Variants in TRIQK observed in about 807,000 individuals in gnomAD.
TRIQK encodes the protein triple QxxK/R motif-containing protein.
Under a neutral mutation model 10.8 loss-of-function variants are expected in TRIQK, and 10 were observed. The observed-to-expected ratio is 0.92, with a 90% CI of 0.57 to 1.57. The LOEUF (loss-of-function observed/expected upper bound fraction) is 1.57. Ranked by LOEUF, TRIQK falls within the 40% of genes most tolerant of loss-of-function variation. The probability of loss-of-function intolerance (pLI) is 0.00; values close to 1 mark genes in which losing one functional copy is unlikely to be tolerated. For synonymous variants in TRIQK, 33 were observed against 33.7 expected, an observed-to-expected ratio of 0.98 and a Z score of 0.07; for missense variants, 107 against 97.7, an observed-to-expected ratio of 1.09 and a Z score of -0.40.
At chr8:92,893,614 A>C (rs949233736) in intron 3 of TRIQK, among the ~76,000 whole-genome samples, 1 of 152,030 alleles carries the variant, frequency 6.6e-6, no homozygotes, top group African/African-American at 2.4e-5. Context: ...AAATCTTGAC[A>C]AGTGTTCACT....
intron 3 of TRIQK, among the ~76,000 whole-genome samples, chr8:92,893,181 T>C (rs1054932129): frequency 6.6e-6 from 1 of 151,978 alleles, no homozygotes; most frequent in Non-Finnish European, 1.5e-5. Context: ...AAGTATATCA[T>C]AAAAATTTAA....
intron 1 of TRIQK, among the ~76,000 whole-genome samples, chr8:93,001,542 A>G (rs1428259566): frequency 6.6e-6 from 1 of 152,196 alleles, no homozygotes; most frequent in African/African-American, 2.4e-5. Flanking sequence ...AAGACAATGA[A>G]GGTCACTATA....
chr8:92,987,892 G>A (rs547103936), intron 1 of TRIQK, among the ~76,000 whole-genome samples: 4 of 151,498 alleles, frequency 2.6e-5, no homozygotes, highest in Middle Eastern at 6.8e-3. Flanking sequence ...ATAGAAATAC[G>A]CATATAGATA....
chr8:92,954,657 C>T (rs1394992498), intron 1 of TRIQK, 93 bp from the exon 2 acceptor site: 1 of 151,856 alleles, frequency 6.6e-6, no homozygotes, highest in Non-Finnish European at 1.5e-5. Flanking sequence ...AAATCATTTC[C>T]AAAAGGTGTT....
chr8:92,914,319 C>T (rs1809719576), intron 3 of TRIQK, among the ~76,000 whole-genome samples: 1 of 151,478 alleles, frequency 6.6e-6, no homozygotes, highest in African/African-American at 2.4e-5. Context: ...TGACATTGGT[C>T]TTGGCTATGA....
intron 4 of TRIQK, among the ~76,000 whole-genome samples, chr8:92,889,555 G>A (rs553794166): frequency 5.9e-5 from 9 of 151,614 alleles, no homozygotes; most frequent in South Asian, 2.1e-4. Context: ...ATGGCAACAC[G>A]ATGCACACTT....
intron 2 of TRIQK, among the ~76,000 whole-genome samples, chr8:92,936,162 T>C (rs1019994636): frequency 6.6e-5 from 10 of 151,538 alleles, no homozygotes; most frequent in African/African-American, 2.4e-4. Context: ...GCAAGATCAT[T>C]ATGAGAATGA....
At chr8:92,975,232 A>G (rs936966684) in intron 1 of TRIQK, among the ~76,000 whole-genome samples, 1 of 152,212 alleles carries the variant, frequency 6.6e-6, no homozygotes, top group African/African-American at 2.4e-5. Context: ...GAAAGTATTC[A>G]CTTTTCTTCA....
intron 2 of TRIQK, among the ~76,000 whole-genome samples, chr8:92,944,002 T>C (rs1442605777): frequency 6.6e-6 from 1 of 151,976 alleles, no homozygotes; most frequent in Non-Finnish European, 1.5e-5. Context: ...AGGAAGTCGA[T>C]CAACTCAATA....
chr8:93,012,029 A>G (rs1813340808), intron 1 of TRIQK, among the ~76,000 whole-genome samples: 1 of 152,210 alleles, frequency 6.6e-6, no homozygotes, highest in South Asian at 2.1e-4. Flanking sequence ...AAGTATCTAG[A>G]CAGTGCATGA....
chr8:92,983,507 G>A (rs908195504), intron 1 of TRIQK, among the ~76,000 whole-genome samples: 2 of 151,996 alleles, frequency 1.3e-5, no homozygotes, highest in Admixed American at 6.6e-5. Flanking sequence ...CTTGAAGATC[G>A]CAGGTTAATT....
intron 1 of TRIQK, among the ~76,000 whole-genome samples, chr8:93,011,135 T>A (rs113918295): frequency 0.013 from 1,903 of 151,758 alleles, 39 homozygotes; most frequent in African/African-American, 0.043. Context: ...CATGCTCATA[T>A]GATCTTAATA....
At chr8:92,907,673 T>G (rs1026991593) in intron 3 of TRIQK, among the ~76,000 whole-genome samples, 12 of 152,172 alleles carry the variant, frequency 7.9e-5, no homozygotes, top group African/African-American at 2.7e-4. Context: ...GTGTCAGCTT[T>G]TTAAACAAAA....
rs1205705587 is a variant in TRIQK at position 92,883,614 on chromosome 8, A to G, written c.*3008T>C. 6.6e-6 allele frequency: 1 copy of G among 151,742 alleles called. No individual in the cohort carries two copies. Among genetic ancestry groups the G allele is most frequent in the Non-Finnish European group, 1.5e-5 (1 of 67,802 alleles). The allele number at this position is 151,742 out of a possible 1,614,324, so 9.4% of individuals were successfully genotyped here. A position where few individuals can be genotyped will look rare whatever the true frequency, so the allele number is the denominator to read the frequency against. On this transcript the variant is annotated 3_prime_UTR_variant, in exon 5 of 5. Coordinates refer to ENST00000521988, the MANE Select transcript of TRIQK (RefSeq NM_001171797.2). ...CACAAAGAAACTGTGACAGACTCTG[A>G]GAGGACTAAAAGGCATCAACTTAAA...
At chr8:92,964,885 C>T (rs1812655308) in intron 1 of TRIQK, 1 of 152,172 alleles carries the variant, frequency 6.6e-6, no homozygotes, top group South Asian at 2.1e-4. Context: ...AGTTTCCTGA[C>T]TTGTAGGCCA....
At chr8:92,922,795 C>CTTTAA (rs1260158762) in intron 2 of TRIQK, among the ~76,000 whole-genome samples, 1 of 151,450 alleles carries the variant, frequency 6.6e-6, no homozygotes, top group East Asian at 1.9e-4. Context: ...AATATAAAAG[C>CTTTAA]TATAAAAGAA....
chr8:92,992,618 G>A (rs903641933), intron 1 of TRIQK, among the ~76,000 whole-genome samples: 7 of 152,188 alleles, frequency 4.6e-5, no homozygotes, highest in African/African-American at 1.2e-4. Flanking sequence ...TGTTAAAGCC[G>A]CACCTCTGAG....
intron 1 of TRIQK, among the ~76,000 whole-genome samples, chr8:92,981,795 T>G (rs891026912): frequency 6.6e-6 from 1 of 151,896 alleles, no homozygotes; most frequent in Non-Finnish European, 1.5e-5. Flanking sequence ...TGCAGTCTGA[T>G]TTGAGTCTTC....
At chr8:92,939,562 G>T (rs1811166985) in intron 2 of TRIQK, among the ~76,000 whole-genome samples, 1 of 151,982 alleles carries the variant, frequency 6.6e-6, no homozygotes, top group Non-Finnish European at 1.5e-5. Flanking sequence ...CAACCAAAAA[G>T]CTCACCCTAC....
Sources: allele counts gnomAD v4.1 joint callset (sites outside exome capture counted in the v4.1 genomes callset), GRCh38; gene constraint gnomAD v4.1.1; transcripts MANE v1.5; gene names NCBI Gene and HGNC (gene_info 2026-07-23, HGNC 2026-07-21).